ZNF385D: variants seen among roughly 807,000 people sequenced by gnomAD.
ZNF385D encodes the protein zinc finger protein 659.
Under a neutral mutation model 35.8 loss-of-function variants are expected in ZNF385D, and 15 were observed. The observed-to-expected ratio is 0.42, with a 90% CI of 0.28 to 0.64. The LOEUF (loss-of-function observed/expected upper bound fraction) is 0.64. ZNF385D is among the 30% of genes least tolerant of loss of function. ZNF385D has a pLI of 0.23. For synonymous variants in ZNF385D, 212 were observed against 186.8 expected (o/e 1.13, Z -1.10); for missense variants, 474 against 494.6 (o/e 0.96, Z 0.39).
At chr3:21,421,977 C>G (rs1016415452) in intron 7 of ZNF385D, among the ~76,000 whole-genome samples, 2 of 152,032 alleles carry the variant, frequency 1.3e-5, no homozygotes, top group East Asian at 3.9e-4. Context: ...CCAAAAATAC[C>G]TTTTCTCCCC....
In ZNF385D at chr3:21,617,056, C is replaced by T. The variant is rs114449874; in HGVS notation, c.165+47830G>A. Among the ~76,000 whole-genome samples the T allele has an allele frequency of 1.6e-3, 247 of 152,206 alleles. 1 individual carries two copies. The highest frequency in any genetic ancestry group is 6.8e-3 in the Middle Eastern group (2 of 294). ...TATGTTAAAATACAAGCCTCAGAGC[C>T]CAAATTTGAGCAATCTCCTCTCTGT... On this transcript the variant is annotated intron_variant, in intron 2 of 7. Transcript: ENST00000281523.
At chr3:21,568,149 C>T (rs1327974987) in intron 2 of ZNF385D, among the ~76,000 whole-genome samples, 1 of 151,438 alleles carries the variant, frequency 6.6e-6, no homozygotes, top group Non-Finnish European at 1.5e-5. Context: ...TTTTAGAAAT[C>T]TAGTACAACA....
intron 2 of ZNF385D, among the ~76,000 whole-genome samples, chr3:22,298,746 G>A (rs1014047717): frequency 6.7e-6 from 1 of 149,860 alleles, no homozygotes; most frequent in Non-Finnish European, 1.5e-5. Context: ...TTCCATTTTG[G>A]AGATTTCATT....
At chr3:22,172,786 G>A (rs548368228) in intron 2 of ZNF385D, among the ~76,000 whole-genome samples, 78 of 152,278 alleles carry the variant, frequency 5.1e-4, no homozygotes, top group African/African-American at 1.9e-3. Flanking sequence ...AAATATAAAT[G>A]AAGGAGATAG....
Position 21,869,007 on chromosome 3 carries a change from C to T in ZNF385D, c.326-203979G>A, listed in dbSNP as rs184538048. ...CTGCAACATCAGCTGGCAGGAATTACGGAAAAAACAACATTCATTTTGTTT... is the reference window on the plus strand; with the variant it reads ...CTGCAACATCAGCTGGCAGGAATTATGGAAAAAACAACATTCATTTTGTTT... On this transcript the variant is annotated intron_variant, in intron 3 of 5. Transcript: ENST00000494108. 3.8e-4 allele frequency among the ~76,000 whole-genome samples: 58 copies of T among 152,134 alleles called. 1 individual carries two copies. Among genetic ancestry groups the T allele is most frequent in the Middle Eastern group, 6.8e-3 (2 of 294 alleles).
chr3:22,040,879 G>C (rs1307921836), intron 3 of ZNF385D, among the ~76,000 whole-genome samples: 8 of 151,568 alleles, frequency 5.3e-5, no homozygotes, highest in Admixed American at 5.2e-4. Context: ...TGTCTTGCTT[G>C]CTAGAGTCTT....
chr3:21,984,866 T>G (rs1192835817), intron 3 of ZNF385D, among the ~76,000 whole-genome samples: 1 of 136,516 alleles, frequency 7.3e-6, no homozygotes, highest in Non-Finnish European at 1.6e-5. Context: ...TAGTTCTCCT[T>G]GAAGAGGTCC....
chr3:21,458,552 C>T (rs893050656), intron 4 of ZNF385D, among the ~76,000 whole-genome samples: 15 of 151,766 alleles, frequency 9.9e-5, no homozygotes, highest in Non-Finnish European at 1.5e-4. Context: ...GGCTAAATCT[C>T]TACCAATGAT....
Position 21,564,698 on chromosome 3 carries a change from AAAG to A in ZNF385D, c.166-17_166-15del. 6.8e-7 allele frequency: 1 copy of A among 1,466,392 alleles called. No individual in the cohort carries two copies. The highest frequency in any genetic ancestry group is 9.2e-7 in the Non-Finnish European group (1 of 1,083,162). 90.8% of individuals were successfully genotyped at this position (1,466,392 alleles called of 1,614,324 possible). A position where few individuals can be genotyped will look rare whatever the true frequency, so the allele number is the denominator to read the frequency against. On this transcript the variant is annotated splice_polypyrimidine_tract_variant and intron_variant, in intron 2 of 7. Coordinates refer to ENST00000281523, the MANE Select transcript of ZNF385D (RefSeq NM_024697.3). Reference sequence around the variant, plus strand: ...AATCGGGTCCATCTGTAATGAGAAAAAAGAAATACAACAAATAGAAATAAAGCT... The same window carrying A: ...AATCGGGTCCATCTGTAATGAGAAAAAAATACAACAAATAGAAATAAAGCT...
intron 1 of ZNF385D, among the ~76,000 whole-genome samples, chr3:21,682,194 C>G (rs2066932897): frequency 1.3e-5 from 2 of 152,126 alleles, no homozygotes; most frequent in Non-Finnish European, 2.9e-5. Flanking sequence ...GGACAATTGG[C>G]AGGTTGGTTT....
chr3:21,911,722 A>G (rs2125913842), intron 3 of ZNF385D, among the ~76,000 whole-genome samples: 1 of 152,098 alleles, frequency 6.6e-6, no homozygotes, highest in Admixed American at 6.6e-5. Flanking sequence ...ACTATTTGCC[A>G]AAAACTTATT....
chr3:21,510,525 T>C (rs1443153327), intron 4 of ZNF385D, among the ~76,000 whole-genome samples: 1 of 152,178 alleles, frequency 6.6e-6, no homozygotes, highest in Non-Finnish European at 1.5e-5. Flanking sequence ...AGTTATAAGC[T>C]AAGGTGCTGC....
At chr3:21,718,180 A>G (rs1190616227) in intron 1 of ZNF385D, among the ~76,000 whole-genome samples, 3 of 152,240 alleles carry the variant, frequency 2.0e-5, no homozygotes, top group Admixed American at 2.0e-4. Flanking sequence ...TTTCAGAAGT[A>G]AGCCATATGG....
At chr3:22,160,788 A>C (rs1705900649) in intron 3 of ZNF385D, among the ~76,000 whole-genome samples, 1 of 152,148 alleles carries the variant, frequency 6.6e-6, no homozygotes, top group African/African-American at 2.4e-5. Flanking sequence ...CAGGCTTAAT[A>C]AATTAACCCA....
chr3:22,149,920 C>G (rs1705110554), intron 3 of ZNF385D, among the ~76,000 whole-genome samples: 1 of 152,120 alleles, frequency 6.6e-6, no homozygotes, highest in Admixed American at 6.6e-5. Context: ...CCAGAAATCT[C>G]ATAAGCTCTC....
At chr3:22,091,691 C>A (rs1377298783) in intron 3 of ZNF385D, among the ~76,000 whole-genome samples, 1 of 152,188 alleles carries the variant, frequency 6.6e-6, no homozygotes, top group Non-Finnish European at 1.5e-5. Flanking sequence ...AGCCCCCCGA[C>A]TGAAGGAGAA....
chr3:21,973,115 A>G (rs1005525042), intron 3 of ZNF385D, among the ~76,000 whole-genome samples: 1 of 152,016 alleles, frequency 6.6e-6, no homozygotes, highest in Non-Finnish European at 1.5e-5. Context: ...CTCAAAGAAA[A>G]AAGAAAGTAA....
rs1188104905 is a variant in ZNF385D, at chr3:21,424,326, T to A, written c.853-262A>T. Among the ~76,000 whole-genome samples, 4 of 128,142 alleles carry A rather than the reference T, an allele frequency of 3.1e-5. No homozygotes were observed. The South Asian group carries it at 7.6e-4, about 24-fold the overall frequency. 84.1% of individuals were successfully genotyped at this position (128,142 alleles called of 152,430 possible). A position where few individuals can be genotyped will look rare whatever the true frequency, so the allele number is the denominator to read the frequency against. On this transcript the variant is annotated intron_variant, in intron 6 of 7. Transcript: ENST00000281523. ...TTATATATATATATATATTTTTTTT[T>A]TTTTTTGAGATGGAGTCTCACTCTG...
chr3:21,962,727 A>G (rs142823767), intron 3 of ZNF385D, among the ~76,000 whole-genome samples: 1 of 151,844 alleles, frequency 6.6e-6, no homozygotes, highest in Admixed American at 6.6e-5. Context: ...GAACCAGATG[A>G]TTTTCTTTTT....
Sources: allele counts gnomAD v4.1 joint callset (sites outside exome capture counted in the v4.1 genomes callset), GRCh38; gene constraint gnomAD v4.1.1; transcripts MANE v1.5; gene names NCBI Gene and HGNC (gene_info 2026-07-23, HGNC 2026-07-21).